Variants in AKT3 observed in about 807,000 individuals in gnomAD.
The protein encoded by AKT3 is AKT serine/threonine kinase 3, also known as RAC-gamma serine/threonine-protein kinase.
A neutral mutation model predicts 65.3 loss-of-function variants in AKT3; 15 were observed. The observed-to-expected ratio is 0.23, with a 90% CI of 0.15 to 0.35. The LOEUF is 0.35. AKT3 is among the 10% of genes least tolerant of loss of function. AKT3 has a pLI of 1.00. For missense variants in AKT3, 243 were observed against 576.5 expected, an observed-to-expected ratio of 0.42 and a Z score of 5.92; for synonymous variants, 206 against 183.8, an observed-to-expected ratio of 1.12 and a Z score of -0.98.
chr1:243,821,111 G>T (rs943399283), intron 2 of AKT3, among the ~76,000 whole-genome samples: 2 of 152,132 alleles, frequency 1.3e-5, no homozygotes, highest in African/African-American at 4.8e-5. Flanking sequence ...CAAGCTAAAA[G>T]AGATTGGGGA....
intron 2 of AKT3, among the ~76,000 whole-genome samples, chr1:243,842,325 G>A (rs1329624329): frequency 1.3e-5 from 2 of 152,122 alleles, no homozygotes; most frequent in Non-Finnish European, 2.9e-5. Flanking sequence ...AAGGTTCTGA[G>A]AATGGAACAG....
chr1:243,626,429 A>G (rs945034568), intron 6 of AKT3, among the ~76,000 whole-genome samples: 1 of 152,210 alleles, frequency 6.6e-6, no homozygotes, highest in Admixed American at 6.5e-5. Context: ...GAAGGGCCCT[A>G]AACAAACACT....
At chr1:243,782,005 T>C (rs1018531266) in intron 2 of AKT3, among the ~76,000 whole-genome samples, 8 of 152,130 alleles carry the variant, frequency 5.3e-5, no homozygotes, top group African/African-American at 1.9e-4. Flanking sequence ...GTATTTTTTG[T>C]AGAAGTGGAG....
chr1:243,700,134 C>T (rs1685352883), intron 2 of AKT3, among the ~76,000 whole-genome samples: 1 of 152,150 alleles, frequency 6.6e-6, no homozygotes, highest in Non-Finnish European at 1.5e-5. Flanking sequence ...AACACTATGA[C>T]CAATGGCTTG....
intron 3 of AKT3, among the ~76,000 whole-genome samples, chr1:243,692,353 CCTTA>C (rs1684747288): frequency 6.6e-6 from 1 of 152,244 alleles, no homozygotes; most frequent in Non-Finnish European, 1.5e-5. Context: ...GACAAACAAG[CCTTA>C]CTAAGTTCCC....
At chr1:243,510,999 G>A (rs1006601655) in intron 13 of AKT3, among the ~76,000 whole-genome samples, 12 of 152,358 alleles carry the variant, frequency 7.9e-5, no homozygotes, top group Admixed American at 4.6e-4. Context: ...TCTACTCAGC[G>A]CTGAGCTACT....
intron 2 of AKT3, among the ~76,000 whole-genome samples, chr1:243,783,288 G>T (rs1325583446): frequency 6.6e-6 from 1 of 152,170 alleles, no homozygotes; most frequent in African/African-American, 2.4e-5. Context: ...AGCTAGAAAT[G>T]GAGTTGATCA....
chr1:243,795,768 G>A (rs992810421), intron 2 of AKT3, among the ~76,000 whole-genome samples: 7 of 152,084 alleles, frequency 4.6e-5, no homozygotes, highest in African/African-American at 1.7e-4. Context: ...ACCGCGCCCG[G>A]CCGATCTCCT....
chr1:243,522,548 A>G (rs1409394204), intron 12 of AKT3, among the ~76,000 whole-genome samples: 5 of 152,228 alleles, frequency 3.3e-5, no homozygotes, highest in African/African-American at 9.6e-5. Context: ...GATCCCAGCT[A>G]CTTGAGAGGC....
At chr1:243,589,233 G>A (rs1242124571) in intron 8 of AKT3, among the ~76,000 whole-genome samples, 12 of 148,124 alleles carry the variant, frequency 8.1e-5, no homozygotes, top group African/African-American at 2.8e-4. Context: ...TTGAACCCGG[G>A]AGGCAGAGGT....
chr1:243,815,956 T>C (rs1328821161), intron 2 of AKT3, among the ~76,000 whole-genome samples: 2 of 152,096 alleles, frequency 1.3e-5, no homozygotes, highest in Admixed American at 6.5e-5. Context: ...ACCCCCAAAA[T>C]TAGTATTTTC....
intron 2 of AKT3, among the ~76,000 whole-genome samples, chr1:243,766,960 A>G (rs1020016701): frequency 7.2e-5 from 11 of 152,186 alleles, no homozygotes; most frequent in Admixed American, 7.2e-4. Flanking sequence ...ATCTGAACTT[A>G]TGATGACAAT....
At chr1:243,674,336 C>T (rs1194985516) in intron 3 of AKT3, among the ~76,000 whole-genome samples, 2 of 151,872 alleles carry the variant, frequency 1.3e-5, no homozygotes, top group African/African-American at 2.4e-5. Context: ...ACTGTCACCA[C>T]CGTAACCCAG....
intron 12 of AKT3, among the ~76,000 whole-genome samples, 175 bp from the exon 13 acceptor site, chr1:243,512,601 G>A (rs1315491640): frequency 2.0e-5 from 3 of 152,134 alleles, no homozygotes; most frequent in Admixed American, 6.5e-5. Flanking sequence ...TAAACCAACC[G>A]GTGGGTAATT....
rs543977754 is a variant in AKT3 at position 243,657,393 on chromosome 1, C to T, written c.284+7379G>A. On this transcript the variant is annotated intron_variant, in intron 4 of 13. Coordinates refer to ENST00000673466, the MANE Select transcript of AKT3 (RefSeq NM_005465.7). ...AAGGGACTAAGGCAAATCCCATTTA[C>T]AAAAGCATAAAAAAGAATAAAGTAC... Among the ~76,000 whole-genome samples, 9 of 152,066 alleles carry T rather than the reference C, an allele frequency of 5.9e-5. No homozygotes were observed. In the South Asian group the frequency reaches 1.9e-3, roughly 32 times the overall value.
chr1:243,757,549 C>T (rs1243839706), intron 2 of AKT3, among the ~76,000 whole-genome samples: 2 of 151,426 alleles, frequency 1.3e-5, no homozygotes, highest in African/African-American at 2.4e-5. Context: ...ACCCGGGAGG[C>T]GGAGGCTGCA....
At chr1:243,842,494 A>G (rs1263085540) in intron 2 of AKT3, among the ~76,000 whole-genome samples, 1 of 152,246 alleles carries the variant, frequency 6.6e-6, no homozygotes, top group Non-Finnish European at 1.5e-5. Context: ...ATAATAAAAA[A>G]TAATAATGTG....
intron 8 of AKT3, among the ~76,000 whole-genome samples, chr1:243,599,835 A>C (rs180845750): frequency 6.6e-6 from 1 of 152,108 alleles, no homozygotes; most frequent in Non-Finnish European, 1.5e-5. Context: ...GGATAGTTTA[A>C]TAAGGCAAGG....
At chr1:243,800,717 G>A (rs188703097) in intron 2 of AKT3, among the ~76,000 whole-genome samples, 13 of 149,368 alleles carry the variant, frequency 8.7e-5, no homozygotes, top group East Asian at 1.9e-4. Context: ...ACTCAGTCTC[G>A]AGGAAAAAAA....
Sources: gnomAD v4.1 joint callset for allele counts (sites outside exome capture counted in the v4.1 genomes callset) on GRCh38, gnomAD v4.1.1 for gene constraint, MANE v1.5 for transcripts, NCBI Gene and HGNC (gene_info 2026-07-23, HGNC 2026-07-21) for gene names.